BCL2: variants seen among roughly 807,000 people sequenced by gnomAD.
The protein encoded by BCL2 is apoptosis regulator Bcl-2.
BCL2 carries 1 observed loss-of-function variant against 14.2 expected under a neutral mutation model. That is an observed-to-expected ratio of 0.07 (90% CI 0.02 to 0.33). BCL2 has a LOEUF of 0.33. Ranked by LOEUF, BCL2 falls within the 10% of genes least tolerant of loss-of-function variation. BCL2 has a pLI of 0.99. For missense variants in BCL2, 247 were observed against 305.9 expected (o/e 0.81, Z 1.44); for synonymous variants, 151 against 137.2 (o/e 1.10, Z -0.70).
intron 2 of BCL2, among the ~76,000 whole-genome samples, chr18:63,131,272 G>A (rs1428542013): frequency 6.6e-6 from 1 of 152,172 alleles, no homozygotes; most frequent in African/African-American, 2.4e-5. Context: ...CTGCATCTTT[G>A]GAGGTCCTTG....
chr18:63,199,807 G>C (rs1340529304), intron 2 of BCL2, among the ~76,000 whole-genome samples: 2 of 152,126 alleles, frequency 1.3e-5, no homozygotes, highest in Non-Finnish European at 2.9e-5. Context: ...TCCCACTTCT[G>C]TGCTGTGAGT....
intron 2 of BCL2, among the ~76,000 whole-genome samples, chr18:63,218,847 T>C (rs1328631156): frequency 1.0e-4 from 10 of 98,034 alleles, no homozygotes; most frequent in Middle Eastern, 5.0e-3. Context: ...GGGATTGTGT[T>C]TGGTTGTTCT....
At chr18:63,171,930 A>G (rs1044288446) in intron 2 of BCL2, among the ~76,000 whole-genome samples, 3 of 152,254 alleles carry the variant, frequency 2.0e-5, no homozygotes, top group Non-Finnish European at 4.4e-5. Context: ...GCAGTGAGCT[A>G]TGATCACACC....
At chr18:63,129,632 G>T (rs544522744) in intron 2 of BCL2, among the ~76,000 whole-genome samples, 14 of 152,306 alleles carry the variant, frequency 9.2e-5, no homozygotes, top group South Asian at 6.2e-4. Flanking sequence ...TTCTGAAGAT[G>T]AAAAAGCTGA....
chr18:63,227,072 A>C (rs1447432445), intron 2 of BCL2, among the ~76,000 whole-genome samples: 2 of 152,130 alleles, frequency 1.3e-5, no homozygotes, highest in Non-Finnish European at 2.9e-5. Context: ...ATTTTAAAGC[A>C]ATATGAGAGA....
chr18:63,319,697 T>C lies in BCL2; in HGVS notation c.-810A>G, dbSNP rs574045431. 6 of 214,196 alleles carry C rather than the reference T, an allele frequency of 2.8e-5. No homozygotes were observed. In the South Asian group the frequency reaches 9.4e-4, roughly 34 times the overall value. The allele number at this position is 214,196 out of a possible 1,614,324, so 13.3% of individuals were successfully genotyped here. On this transcript the variant is annotated 5_prime_UTR_variant, in exon 1 of 3. Coordinates refer to ENST00000333681, the MANE Select transcript of BCL2 (RefSeq NM_000633.3). The stretch of plus-strand genomic sequence containing the variant: ...ATTTTCCGAAAAGCTGCTGGATAAA[T>C]GAAGGCAGGACGCGCCTGGCCCGCC...
chr18:63,311,990 A>G (rs1913338016), intron 2 of BCL2, among the ~76,000 whole-genome samples: 1 of 152,262 alleles, frequency 6.6e-6, no homozygotes, highest in Non-Finnish European at 1.5e-5. Flanking sequence ...AAGTAAGTAC[A>G]AATTTTGCCA....
chr18:63,185,328 C>A (rs112105210), intron 2 of BCL2, among the ~76,000 whole-genome samples: 1 of 152,198 alleles, frequency 6.6e-6, no homozygotes, highest in South Asian at 2.1e-4. Flanking sequence ...TGGGTTCTAA[C>A]GTCTGACTAT....
chr18:63,168,576 C>G (rs1460198478), intron 2 of BCL2, among the ~76,000 whole-genome samples: 1 of 152,166 alleles, frequency 6.6e-6, no homozygotes, highest in Non-Finnish European at 1.5e-5. Context: ...TTATCGTCAT[C>G]CATAGCTGAC....
chr18:63,144,570 A>C (rs1217480727), intron 2 of BCL2, among the ~76,000 whole-genome samples: 1 of 152,116 alleles, frequency 6.6e-6, no homozygotes, highest in African/African-American at 2.4e-5. Context: ...GAGGCTAAAC[A>C]GGAAGTCCCG....
chr18:63,303,619 A>C (rs1238964813), intron 2 of BCL2, among the ~76,000 whole-genome samples: 1 of 152,160 alleles, frequency 6.6e-6, no homozygotes, highest in Non-Finnish European at 1.5e-5. Flanking sequence ...TTACCAGGCA[A>C]AGTCAATTGA....
intron 2 of BCL2, among the ~76,000 whole-genome samples, chr18:63,222,282 A>T (rs1044007969): frequency 6.6e-6 from 1 of 151,500 alleles, no homozygotes; most frequent in Non-Finnish European, 1.5e-5. Context: ...TCAAAAAAAA[A>T]AAAAAAGAAA....
intron 2 of BCL2, among the ~76,000 whole-genome samples, chr18:63,264,049 C>A (rs756839646): frequency 2.0e-4 from 31 of 152,168 alleles, no homozygotes; most frequent in Non-Finnish European, 4.6e-4. Context: ...GGATTACAGG[C>A]GTGAGCCACC....
chr18:63,226,726 A>C (rs1910559183), intron 2 of BCL2, among the ~76,000 whole-genome samples: 2 of 152,306 alleles, frequency 1.3e-5, no homozygotes, highest in African/African-American at 4.8e-5. Context: ...AGCTTGGAGA[A>C]ACATGTAGAA....
At chr18:63,300,001 C>G (rs1445351350) in intron 2 of BCL2, among the ~76,000 whole-genome samples, 1 of 152,070 alleles carries the variant, frequency 6.6e-6, no homozygotes, top group Non-Finnish European at 1.5e-5. Context: ...ACCCAGTAGG[C>G]ACAAAGAATG....
At chr18:63,264,300 C>T (rs915968681) in intron 2 of BCL2, among the ~76,000 whole-genome samples, 1 of 152,192 alleles carries the variant, frequency 6.6e-6, no homozygotes, top group Non-Finnish European at 1.5e-5. Flanking sequence ...CTCCCTGGCA[C>T]TGGACTGGAT....
rs1162766716 is a variant in BCL2 at position 63,138,731 on chromosome 18, G to A, written c.586-9972C>T. ...TGAAACCTAATCTCCATGTCATTTG[G>A]ATGTAACAAGAAACCTGCTGGAGAC... On this transcript the variant is annotated intron_variant, in intron 2 of 2. Transcript: ENST00000333681. Among the ~76,000 whole-genome samples, 5 of 152,318 alleles carry A rather than the reference G, an allele frequency of 3.3e-5. No individual in the cohort carries two copies. The South Asian group carries it at 8.3e-4, about 25-fold the overall frequency.
intron 2 of BCL2, among the ~76,000 whole-genome samples, chr18:63,221,331 T>C (rs1230981660): frequency 6.6e-6 from 1 of 151,906 alleles, no homozygotes; most frequent in Non-Finnish European, 1.5e-5. Flanking sequence ...TTCAGCAAAA[T>C]GGCAAACAAC....
chr18:63,253,772 T>C (rs1342828073), intron 2 of BCL2, among the ~76,000 whole-genome samples: 1 of 151,994 alleles, frequency 6.6e-6, no homozygotes, highest in African/African-American at 2.4e-5. Context: ...AGAAAGATGA[T>C]TCTCAGTAAA....
Sources: gnomAD v4.1 joint callset for allele counts (sites outside exome capture counted in the v4.1 genomes callset) on GRCh38, gnomAD v4.1.1 for gene constraint, MANE v1.5 for transcripts, NCBI Gene and HGNC (gene_info 2026-07-23, HGNC 2026-07-21) for gene names.